Variants in RAB5C observed in about 807,000 individuals in gnomAD.
RAB5C encodes ras-related protein Rab-5C.
Under a neutral mutation model 25.2 loss-of-function variants are expected in RAB5C, and 4 were observed. The observed-to-expected ratio is 0.16, with a 90% confidence interval of 0.08 to 0.36. The LOEUF (loss-of-function observed/expected upper bound fraction) is 0.36. Among genes scored for constraint, RAB5C ranks in the 10% least tolerant of loss-of-function variants. RAB5C has a pLI of 1.00. For missense variants in RAB5C, 199 were observed against 283.8 expected (o/e 0.70, Z 2.15); for synonymous variants, 100 against 106.4 (o/e 0.94, Z 0.37).
intron 1 of RAB5C, among the ~76,000 whole-genome samples, chr17:42,151,765 G>T (rs1238804662): frequency 2.6e-5 from 4 of 152,186 alleles, no homozygotes; most frequent in Non-Finnish European, 5.9e-5. Context: ...GCCCTGAAGA[G>T]TACTGACTTG....
intron 1 of RAB5C, among the ~76,000 whole-genome samples, chr17:42,133,510 T>C (rs886632374): frequency 2.0e-5 from 3 of 152,228 alleles, no homozygotes; most frequent in Non-Finnish European, 4.4e-5. Context: ...ACGGTGTCTG[T>C]ACATTGAAGT....
At chr17:42,150,352 T>C (rs142928920) in intron 1 of RAB5C, among the ~76,000 whole-genome samples, 2 of 150,362 alleles carry the variant, frequency 1.3e-5, no homozygotes, top group Non-Finnish European at 3.0e-5. Flanking sequence ...GAGACCAGCC[T>C]GGCCAACATA....
At chr17:42,134,155 C>T (rs2054513441) in intron 1 of RAB5C, among the ~76,000 whole-genome samples, 2 of 152,072 alleles carry the variant, frequency 1.3e-5, no homozygotes, top group Non-Finnish European at 2.9e-5. Flanking sequence ...AGACCGAGAG[C>T]CCCAGGAAGC....
In RAB5C at chr17:42,146,510, A is replaced by T. The variant is rs143245834; in HGVS notation, c.-89+8383T>A. ...TCACACCTGTAATCCCAGCACTTTC[A>T]GAGGCCAAGGCAGGCAGACCACAAA... is the stretch of plus-strand genomic sequence containing the variant. On this transcript the variant is annotated intron_variant, in intron 1 of 5. Coordinates refer to ENST00000346213, the MANE Select transcript of RAB5C (RefSeq NM_004583.4). 1.3e-3 allele frequency among the ~76,000 whole-genome samples: 204 copies of T among 152,332 alleles called. 1 individual carries two copies. The highest frequency in any genetic ancestry group is 4.7e-3 in the African/African-American group (194 of 41,580).
At chr17:42,149,207 A>G (rs2079655160) in intron 1 of RAB5C, among the ~76,000 whole-genome samples, 1 of 152,140 alleles carries the variant, frequency 6.6e-6, no homozygotes, top group Non-Finnish European at 1.5e-5. Flanking sequence ...GCCCCAACAT[A>G]TGTACCCTTC....
At chr17:42,130,614 C>G in intron 1 of RAB5C, 24 bp from the exon 2 acceptor site, 1 of 1,531,296 alleles carries the variant, frequency 6.5e-7, no homozygotes. Flanking sequence ...ATGAGAAGTA[C>G]TGAGTTAGTT....
At chr17:42,130,757 G>C (rs2054477315) in intron 1 of RAB5C, among the ~76,000 whole-genome samples, 167 bp from the exon 2 acceptor site, 1 of 151,432 alleles carries the variant, frequency 6.6e-6, no homozygotes, top group Non-Finnish European at 1.5e-5. Flanking sequence ...GCCCCACTGG[G>C]CTATACTAGA....
chr17:42,136,543 G>C (rs2054538390), intron 1 of RAB5C: 1 of 152,174 alleles, frequency 6.6e-6, no homozygotes, highest in African/African-American at 2.4e-5. Context: ...TCACACAAGT[G>C]ATCATTATCA....
intron 2 of RAB5C, among the ~76,000 whole-genome samples, chr17:42,129,497 G>A (rs2054464379): frequency 6.6e-6 from 1 of 152,184 alleles, no homozygotes; most frequent in Non-Finnish European, 1.5e-5. Context: ...TTCAAAGGAG[G>A]AGTCCAGAGC....
At chr17:42,131,603 A>C in intron 1 of RAB5C, 1 of 1,533,860 alleles carries the variant, frequency 6.5e-7, no homozygotes, top group East Asian at 2.4e-5. Flanking sequence ...TTTTCAATAG[A>C]GACCTCAGTT....
intron 2 of RAB5C, 93 bp downstream of exon 2, chr17:42,130,244 C>T (rs2054470301): frequency 6.7e-7 from 1 of 1,497,892 alleles, no homozygotes. Context: ...CATTTAGTCC[C>T]TAATGCAGGC....
intron 1 of RAB5C, among the ~76,000 whole-genome samples, chr17:42,148,265 C>T (rs1476850112): frequency 1.3e-5 from 2 of 151,742 alleles, no homozygotes; most frequent in Non-Finnish European, 2.9e-5. Flanking sequence ...ACTAGATGGG[C>T]GTGGTGGTAC....
chr17:42,126,969 C>A, intron 4 of RAB5C, 121 bp from the exon 5 acceptor site: 1 of 582,730 alleles, frequency 1.7e-6, no homozygotes. Context: ...CAGCTGGACA[C>A]ACACAGGAGT....
At chr17:42,141,599 G>A (rs2079603748) in intron 1 of RAB5C, among the ~76,000 whole-genome samples, 1 of 152,132 alleles carries the variant, frequency 6.6e-6, no homozygotes, top group Non-Finnish European at 1.5e-5. Flanking sequence ...ACTTCCCCAG[G>A]GAGGACTTCC....
intron 1 of RAB5C, among the ~76,000 whole-genome samples, chr17:42,134,448 A>G (rs2144072907): frequency 1.3e-5 from 2 of 152,294 alleles, no homozygotes; most frequent in South Asian, 4.2e-4. Context: ...GTGGTGGTAC[A>G]CGCCTGTAAT....
Position 42,140,484 on chromosome 17 carries a change from AATATATAT to A in RAB5C, c.-88-9902_-88-9895del, listed in dbSNP as rs10580000. Among the ~76,000 whole-genome samples, 48 of 72,740 alleles carry A rather than the reference AATATATAT, an allele frequency of 6.6e-4. 1 individual carries two copies. Among genetic ancestry groups the A allele is most frequent in the African/African-American group, 1.8e-3 (38 of 21,426 alleles). 47.7% of individuals were successfully genotyped at this position (72,740 alleles called of 152,430 possible). A position where few individuals can be genotyped will look rare whatever the true frequency, so the allele number is the denominator to read the frequency against. On this transcript the variant is annotated intron_variant, in intron 1 of 5. Transcript: ENST00000346213. The stretch of plus-strand genomic sequence containing the variant: ...TGGGCACCAAAGAACAATATTTTAG[AATATATAT>A]ATATATATATATATATATATATATT...
At chr17:42,129,553 A>T (rs1000999829) in intron 2 of RAB5C, among the ~76,000 whole-genome samples, 2 of 152,210 alleles carry the variant, frequency 1.3e-5, no homozygotes, top group African/African-American at 4.8e-5. Flanking sequence ...CCCAGCAGAG[A>T]ACCCAGGACA....
chr17:42,125,552 T>C lies in RAB5C; in HGVS notation c.*231A>G, dbSNP rs1456598386. On this transcript the variant is annotated 3_prime_UTR_variant, in exon 6 of 6. Coordinates refer to ENST00000346213, the MANE Select transcript of RAB5C (RefSeq NM_004583.4). Reference sequence around the variant, plus strand: ...GAAGTGGGAAGAGCAGAAGATCATATATATTAAAAAAGTGACTTAAGACTT... The same window carrying C: ...GAAGTGGGAAGAGCAGAAGATCATACATATTAAAAAAGTGACTTAAGACTT... The C allele has an allele frequency of 2.0e-6, 1 of 505,576 alleles. No individual in the cohort carries two copies. The highest frequency in any genetic ancestry group is 3.5e-5 in the East Asian group (1 of 28,968). The allele number at this position is 505,576 out of a possible 1,614,324, so 31.3% of individuals were successfully genotyped here. A position where few individuals can be genotyped will look rare whatever the true frequency, so the allele number is the denominator to read the frequency against.
At chr17:42,144,925 C>CAAAAAAAAAAAAAAAAA (rs544870361) in intron 1 of RAB5C, among the ~76,000 whole-genome samples, 2 of 31,102 alleles carry the variant, frequency 6.4e-5, no homozygotes, top group Non-Finnish European at 1.3e-4. Context: ...GACTCCGTCT[C>CAAAAAAAAAAAAAAAAA]AAAAAAAAAA....
Sources: gnomAD v4.1 joint callset for allele counts (sites outside exome capture counted in the v4.1 genomes callset) on GRCh38, gnomAD v4.1.1 for gene constraint, MANE v1.5 for transcripts, NCBI Gene and HGNC (gene_info 2026-07-23, HGNC 2026-07-21) for gene names.